The following KCND2 variants were observed in gnomAD, a reference collection of about 807,000 sequenced individuals.
KCND2 encodes the protein potassium voltage-gated channel subfamily D member 2, also known as A-type voltage-gated potassium channel KCND2.
A neutral mutation model predicts 54.4 loss-of-function variants in KCND2; 16 were observed. That is an observed-to-expected ratio of 0.29 (90% confidence interval 0.20 to 0.45). The LOEUF (loss-of-function observed/expected upper bound fraction) is 0.45, where lower values mean the gene tolerates loss of function less well. KCND2 is among the 20% of genes least tolerant of loss of function. The pLI is 1.00. For missense variants in KCND2, 486 were observed against 824.2 expected (o/e 0.59, Z 5.02); for synonymous variants, 317 against 310.7 (o/e 1.02, Z -0.21).
At chr7:120,578,807 G>A (rs1792473037) in intron 1 of KCND2, among the ~76,000 whole-genome samples, 2 of 152,096 alleles carry the variant, frequency 1.3e-5, no homozygotes, top group East Asian at 3.9e-4. Context: ...AGAGGTTGCA[G>A]TGAGTGAAGA....
intron 1 of KCND2, among the ~76,000 whole-genome samples, chr7:120,708,926 C>A (rs1792503451): frequency 6.6e-6 from 1 of 152,052 alleles, no homozygotes; most frequent in Non-Finnish European, 1.5e-5. Flanking sequence ...TCTATATACA[C>A]AGATTGGTTA....
chr7:120,540,453 T>C (rs1364565648), intron 1 of KCND2, among the ~76,000 whole-genome samples: 1 of 152,206 alleles, frequency 6.6e-6, no homozygotes, highest in East Asian at 1.9e-4. Flanking sequence ...AGAAGACCCA[T>C]AGAGAGCAGC....
chr7:120,690,494 C>T (rs936126068), intron 1 of KCND2, among the ~76,000 whole-genome samples: 7 of 152,184 alleles, frequency 4.6e-5, no homozygotes, highest in Non-Finnish European at 7.3e-5. Context: ...GGTCAGCTAG[C>T]AGTGGCACCA....
At chr7:120,478,626 G>A (rs979801746) in intron 1 of KCND2, among the ~76,000 whole-genome samples, 7 of 152,030 alleles carry the variant, frequency 4.6e-5, no homozygotes, top group African/African-American at 1.7e-4. Context: ...TCTAACAGGT[G>A]GAGATTTGCA....
In KCND2 at chr7:120,354,671, A is replaced by C. The variant is rs530105278; in HGVS notation, c.1115+78924A>C. Reference sequence around the variant, plus strand: ...GGAGGTGAGGTGGGAGGATCACTTGAGGCCAGAAGTTCAAGGATGCAGTGA... The same window carrying C: ...GGAGGTGAGGTGGGAGGATCACTTGCGGCCAGAAGTTCAAGGATGCAGTGA... On this transcript the variant is annotated intron_variant, in intron 1 of 5. Coordinates refer to ENST00000331113, the MANE Select transcript of KCND2 (RefSeq NM_012281.3). 9.3e-4 allele frequency among the ~76,000 whole-genome samples: 141 copies of C among 152,310 alleles called. 1 individual carries two copies. Among genetic ancestry groups the C allele is most frequent in the African/African-American group, 3.2e-3 (133 of 41,582 alleles).
At chr7:120,599,952 G>C (rs1216475647) in intron 1 of KCND2, among the ~76,000 whole-genome samples, 2 of 151,614 alleles carry the variant, frequency 1.3e-5, no homozygotes, top group African/African-American at 4.8e-5. Context: ...CTTTTTCTAG[G>C]TTGAGAAAAT....
At chr7:120,697,586 A>AT (rs1792347280) in intron 1 of KCND2, among the ~76,000 whole-genome samples, 1 of 152,218 alleles carries the variant, frequency 6.6e-6, no homozygotes, top group South Asian at 2.1e-4. Context: ...CTTCAGAGAA[A>AT]TTACATAAAA....
intron 1 of KCND2, among the ~76,000 whole-genome samples, chr7:120,288,697 C>A (rs757835847): frequency 1.8e-4 from 27 of 152,102 alleles, no homozygotes; most frequent in Non-Finnish European, 3.2e-4. Flanking sequence ...AATTGAAATT[C>A]ATTTCCTGTA....
chr7:120,595,870 A>G (rs887391709), intron 1 of KCND2, among the ~76,000 whole-genome samples: 3 of 151,812 alleles, frequency 2.0e-5, no homozygotes, highest in African/African-American at 7.3e-5. Flanking sequence ...TGAGCTAGAA[A>G]GAAGGAAGGA....
intron 1 of KCND2, among the ~76,000 whole-genome samples, chr7:120,385,106 A>G (rs1302956156): frequency 6.9e-6 from 1 of 144,466 alleles, no homozygotes; most frequent in African/African-American, 2.6e-5. Context: ...TCTCAGACGC[A>G]AGCAATCATC....
intron 1 of KCND2, among the ~76,000 whole-genome samples, chr7:120,711,372 T>G (rs1792535349): frequency 6.6e-6 from 1 of 152,194 alleles, no homozygotes; most frequent in Non-Finnish European, 1.5e-5. Context: ...TGCAAAGCAA[T>G]GAATTCAACA....
chr7:120,525,398 T>G (rs569458456), intron 1 of KCND2, among the ~76,000 whole-genome samples: 1 of 152,206 alleles, frequency 6.6e-6, no homozygotes, highest in Non-Finnish European at 1.5e-5. Flanking sequence ...CTTACCTTAT[T>G]TTCTGGAAAT....
At chr7:120,588,442 T>TGTGTGTGTGTGTGTG (rs1792628393) in intron 1 of KCND2, among the ~76,000 whole-genome samples, 3 of 151,076 alleles carry the variant, frequency 2.0e-5, no homozygotes, top group Admixed American at 6.6e-5. Context: ...TGTGTGTGTG[T>TGTGTGTGTGTGTGTG]TTCCTTGAGT....
At chr7:120,470,762 A>T (rs897281077) in intron 1 of KCND2, among the ~76,000 whole-genome samples, 8 of 151,910 alleles carry the variant, frequency 5.3e-5, no homozygotes, top group African/African-American at 1.7e-4. Flanking sequence ...AGAGGGATGG[A>T]TCTCATGGAA....
intron 1 of KCND2, among the ~76,000 whole-genome samples, chr7:120,660,865 A>C (rs1791857375): frequency 6.6e-6 from 1 of 152,204 alleles, no homozygotes; most frequent in African/African-American, 2.4e-5. Flanking sequence ...AGAAATTGAG[A>C]TGGGTAAGAG....
At chr7:120,565,474 TACTC>T (rs2116417288) in intron 1 of KCND2, among the ~76,000 whole-genome samples, 1 of 152,326 alleles carries the variant, frequency 6.6e-6, no homozygotes, top group South Asian at 2.1e-4. Flanking sequence ...CCTTATCAGA[TACTC>T]ACCCAATAGA....
chr7:120,606,711 T>A (rs1562886409), intron 1 of KCND2, among the ~76,000 whole-genome samples: 1 of 151,922 alleles, frequency 6.6e-6, no homozygotes, highest in East Asian at 1.9e-4. Flanking sequence ...TTAATCCTAT[T>A]TCATTGATAT....
At chr7:120,707,181 TATG>T (rs1482027751) in intron 1 of KCND2, among the ~76,000 whole-genome samples, 24 of 152,170 alleles carry the variant, frequency 1.6e-4, no homozygotes, top group Non-Finnish European at 2.2e-4. Flanking sequence ...AGTTTACAAA[TATG>T]ATGTTTGGAA....
intron 1 of KCND2, among the ~76,000 whole-genome samples, chr7:120,675,314 T>C (rs1792046256): frequency 6.6e-6 from 1 of 152,038 alleles, no homozygotes; most frequent in African/African-American, 2.4e-5. Flanking sequence ...CTCACTGTAA[T>C]CTCTGCCCCC....
Sources: gnomAD v4.1 joint callset for allele counts (sites outside exome capture counted in the v4.1 genomes callset) on GRCh38, gnomAD v4.1.1 for gene constraint, MANE v1.5 for transcripts, NCBI Gene and HGNC (gene_info 2026-07-23, HGNC 2026-07-21) for gene names.